Variants in GSE1 observed in about 807,000 individuals in gnomAD.
The protein encoded by GSE1 is genetic suppressor element 1.
GSE1 carries 32 observed loss-of-function variants against 112.6 expected under a neutral mutation model. The observed-to-expected ratio is 0.28, with a 90% CI of 0.21 to 0.38. The LOEUF (loss-of-function observed/expected upper bound fraction) is 0.38. Ranked by LOEUF, GSE1 falls within the 10% of genes least tolerant of loss-of-function variation. The probability of loss-of-function intolerance (pLI) is 1.00; values close to 1 mark genes in which losing one functional copy is unlikely to be tolerated. For missense variants in GSE1, 2,348 were observed against 1,699.2 expected (o/e 1.38, Z -6.71); for synonymous variants, 1,115 against 735.6 (o/e 1.52, Z -8.35).
chr16:85,620,723 G>A (rs1202363399), intron 1 of GSE1, among the ~76,000 whole-genome samples: 1 of 152,288 alleles, frequency 6.6e-6, no homozygotes, highest in Non-Finnish European at 1.5e-5. Flanking sequence ...AACCCGTTTA[G>A]ATGGTCTCAG....
Position 85,657,321 on chromosome 16 carries a change from C to T in GSE1, c.1357C>T (p.His453Tyr), listed in dbSNP as rs947211511. The T allele has an allele frequency of 6.9e-6, 11 of 1,603,654 alleles. No individual in the cohort carries two copies. In the African/African-American group the frequency reaches 1.2e-4, roughly 18 times the overall value. The part of the protein sequence containing the change: ...AGLQAPKPVQ[H>Y]PLHPVPTPHH... ...CCTGCAGGCGCCCAAGCCCGTCCAA[C>T]ACCCCTTGCATCCGGTGCCCACCCC... The change falls in exon 8 of 16, where the codon CAC becomes TAC. Residue 453 changes from histidine to tyrosine, a missense_variant. Coordinates refer to ENST00000253458, the MANE Select transcript of GSE1 (RefSeq NM_014615.5).
In GSE1 at chr16:85,674,481, C is replaced by G. The variant is rs910087697; in HGVS notation, c.*1942C>G. The G allele has an allele frequency of 6.6e-6, 1 of 152,206 alleles. No individual in the cohort carries two copies. The highest frequency in any genetic ancestry group is 2.4e-5 in the African/African-American group (1 of 41,446). The allele number at this position is 152,206 out of a possible 1,614,324, so 9.4% of individuals were successfully genotyped here. On this transcript the variant is annotated 3_prime_UTR_variant, in exon 16 of 16. Coordinates refer to ENST00000253458, the MANE Select transcript of GSE1 (RefSeq NM_014615.5). ...TGTTCCACAGGTGTTCAGAGGGAGT[C>G]TGCTACAAACTATCAGGGCAAAATC...
Position 85,532,947 on chromosome 16 carries a change from T to C in GSE1, c.2465-100967T>C, listed in dbSNP as rs113224873. 5.0e-3 allele frequency among the ~76,000 whole-genome samples: 766 copies of C among 152,312 alleles called. 9 individuals carry two copies. The highest frequency in any genetic ancestry group is 0.018 in the African/African-American group (735 of 41,572). On this transcript the variant is annotated intron_variant, in intron 2 of 2. Transcript: ENST00000637419. ...GGGACTTGAGATTTTCCCCAGAACA[T>C]GCCCCACGTACTCCAAAACCAGCAC...
intron 2 of GSE1, among the ~76,000 whole-genome samples, chr16:85,364,718 A>G (rs1190974649): frequency 6.6e-6 from 1 of 152,134 alleles, no homozygotes; most frequent in Non-Finnish European, 1.5e-5. Context: ...CCAGTGACCC[A>G]TGCCGTTCCT....
chr16:85,337,090 G>C (rs145689117), intron 1 of GSE1, among the ~76,000 whole-genome samples: 89 of 152,274 alleles, frequency 5.8e-4, no homozygotes, highest in African/African-American at 2.0e-3. Flanking sequence ...GCATCGAGGG[G>C]CTGGCGACAG....
chr16:85,481,418 T>C (rs2050678622), intron 2 of GSE1, among the ~76,000 whole-genome samples: 1 of 151,738 alleles, frequency 6.6e-6, no homozygotes, highest in African/African-American at 2.4e-5. Flanking sequence ...TTTTGAGGGG[T>C]GTATAGGAGT....
At chr16:85,423,661 C>G (rs1306463334) in intron 2 of GSE1, among the ~76,000 whole-genome samples, 1 of 152,080 alleles carries the variant, frequency 6.6e-6, no homozygotes, top group Non-Finnish European at 1.5e-5. Context: ...TGGGGTGTGG[C>G]CTGGTGTCCA....
At chr16:85,337,451 G>A (rs974529559) in intron 1 of GSE1, among the ~76,000 whole-genome samples, 13 of 151,824 alleles carry the variant, frequency 8.6e-5, no homozygotes, top group Admixed American at 3.9e-4. Context: ...GACTACAGGC[G>A]CCCGCCACCA....
intron 1 of GSE1, among the ~76,000 whole-genome samples, chr16:85,605,972 G>A (rs551741869): frequency 1.3e-5 from 2 of 152,244 alleles, no homozygotes; most frequent in Admixed American, 6.5e-5. Context: ...CAGTGAACTG[G>A]ACCTGTTTCT....
At chr16:85,584,082 G>A in intron 1 of GSE1, among the ~76,000 whole-genome samples, 1 of 152,216 alleles carries the variant, frequency 6.6e-6, no homozygotes, top group Non-Finnish European at 1.5e-5. Context: ...GGGCACGCAT[G>A]GGGACGGGGA....
chr16:85,453,831 T>C (rs532145564), intron 2 of GSE1, among the ~76,000 whole-genome samples: 13 of 152,264 alleles, frequency 8.5e-5, no homozygotes, highest in African/African-American at 2.9e-4. Flanking sequence ...CCGGCCCCAC[T>C]TGCTTGGCAC....
chr16:85,422,535 C>T (rs1312325371), intron 2 of GSE1, among the ~76,000 whole-genome samples: 1 of 151,130 alleles, frequency 6.6e-6, no homozygotes, highest in East Asian at 1.9e-4. Context: ...CCCTTGTACA[C>T]ACGTTCACGG....
chr16:85,450,773 A>G (rs1002139036), intron 2 of GSE1, among the ~76,000 whole-genome samples: 11 of 149,898 alleles, frequency 7.3e-5, no homozygotes, highest in Non-Finnish European at 1.2e-4. Flanking sequence ...TTTAAAAGCC[A>G]GGTTTGGCCG....
intron 2 of GSE1, among the ~76,000 whole-genome samples, chr16:85,483,678 A>T (rs558461343): frequency 7.9e-5 from 12 of 152,274 alleles, no homozygotes; most frequent in Non-Finnish European, 1.2e-4. Flanking sequence ...ACCTGAGAAC[A>T]TGCTGGCAAA....
intron 2 of GSE1, among the ~76,000 whole-genome samples, chr16:85,432,151 G>T (rs959173080): frequency 6.6e-6 from 1 of 152,224 alleles, no homozygotes; most frequent in Non-Finnish European, 1.5e-5. Flanking sequence ...TATTAATAAA[G>T]CCCTTAGAGT....
At chr16:85,434,625 C>T (rs752304890) in intron 2 of GSE1, among the ~76,000 whole-genome samples, 3 of 152,122 alleles carry the variant, frequency 2.0e-5, no homozygotes, top group Admixed American at 6.6e-5. Context: ...CAAGACCAGC[C>T]TGGCCAACAT....
chr16:85,466,958 G>C (rs941774501), intron 2 of GSE1, among the ~76,000 whole-genome samples: 2 of 152,224 alleles, frequency 1.3e-5, no homozygotes, highest in African/African-American at 4.8e-5. Flanking sequence ...TACTTGATAG[G>C]GTTAGGCAAG....
intron 2 of GSE1, among the ~76,000 whole-genome samples, chr16:85,484,542 G>A (rs1367324270): frequency 1.3e-5 from 2 of 152,230 alleles, no homozygotes; most frequent in Non-Finnish European, 2.9e-5. Flanking sequence ...AGACGCCTCC[G>A]CGACACAGCA....
At chr16:85,393,438 T>C (rs1033346082) in intron 2 of GSE1, among the ~76,000 whole-genome samples, 2 of 152,128 alleles carry the variant, frequency 1.3e-5, no homozygotes, top group African/African-American at 2.4e-5. Context: ...ATGGGAGAAA[T>C]GTCTGATGTC....
Sources: allele counts gnomAD v4.1 joint callset (sites outside exome capture counted in the v4.1 genomes callset), GRCh38; gene constraint gnomAD v4.1.1; transcripts MANE v1.5; gene names NCBI Gene and HGNC (gene_info 2026-07-23, HGNC 2026-07-21).